CCDC81: variants seen among roughly 807,000 people sequenced by gnomAD.
CCDC81 encodes coiled-coil domain-containing protein 81.
CCDC81 carries 79 observed loss-of-function variants against 83.7 expected under a neutral mutation model. The observed-to-expected ratio is 0.94, with a 90% confidence interval of 0.79 to 1.14. The LOEUF (loss-of-function observed/expected upper bound fraction) is 1.14, where lower values mean the gene tolerates loss of function less well. Ranked by LOEUF, CCDC81 falls within the 50% of genes most tolerant of loss-of-function variation. The pLI is 0.00. For missense variants in CCDC81, 791 were observed against 778.1 expected, an observed-to-expected ratio of 1.02 and a Z score of -0.20; for synonymous variants, 252 against 278.1, an observed-to-expected ratio of 0.91 and a Z score of 0.93.
chr11:86,422,574 G>A lies in CCDC81; in HGVS notation c.1818G>A (p.Arg606=). ...QRDLEDKAFE[R]ASDKLFLLDQ... ...TCGGCATTTGCTCTCCTCTCCTCAG[G>A]GCTTCAGACAAGCTGTTTCTCCTAG... Residue 606 remains arginine, a splice_region_variant and synonymous_variant, in exon 15 of 15, where the codon CGG becomes CGA. Coordinates refer to ENST00000445632, the MANE Select transcript of CCDC81 (RefSeq NM_001156474.2). 6.2e-7 allele frequency: 1 copy of A among 1,612,998 alleles called. No individual in the cohort carries two copies. Among genetic ancestry groups the A allele is most frequent in the South Asian group, 1.1e-5 (1 of 90,964 alleles).
chr11:86,380,136 G>T (rs906853021), intron 1 of CCDC81, among the ~76,000 whole-genome samples: 6 of 150,034 alleles, frequency 4.0e-5, no homozygotes, highest in African/African-American at 1.2e-4. Flanking sequence ...TGAAAAGCAG[G>T]TTTACTGGCA....
At chr11:86,415,392 C>A in intron 13 of CCDC81, 79 bp downstream of exon 13, 1 of 1,093,294 alleles carries the variant, frequency 9.1e-7, no homozygotes. Flanking sequence ...TCCACCCTGT[C>A]CCTGCCCCTC....
At chr11:86,406,478 T>C (rs2138528446) in intron 7 of CCDC81, among the ~76,000 whole-genome samples, 1 of 152,324 alleles carries the variant, frequency 6.6e-6, no homozygotes, top group Non-Finnish European at 1.5e-5. Context: ...ATGTTTGAGC[T>C]TCTGAATCTG....
At chr11:86,407,205 C>G (rs1018876716) in intron 7 of CCDC81, among the ~76,000 whole-genome samples, 2 of 152,184 alleles carry the variant, frequency 1.3e-5, no homozygotes, top group Non-Finnish European at 2.9e-5. Flanking sequence ...GGCTGTCTAT[C>G]CCCATCAGAA....
chr11:86,390,554 A>T (rs184876338), intron 3 of CCDC81, among the ~76,000 whole-genome samples: 1 of 152,358 alleles, frequency 6.6e-6, no homozygotes, highest in East Asian at 1.9e-4. Flanking sequence ...ATACTCTTTC[A>T]GTTACAGTAG....
At chr11:86,388,210 C>CTCTTTCCTTCCT (rs1555190675) in intron 3 of CCDC81, among the ~76,000 whole-genome samples, 4 of 144,296 alleles carry the variant, frequency 2.8e-5, no homozygotes, top group Non-Finnish European at 6.0e-5. Context: ...CCCTCCTTCC[C>CTCTTTCCTTCCT]TCCTTCCTTC....
chr11:86,389,450 G>T (rs371502779), intron 3 of CCDC81, among the ~76,000 whole-genome samples: 2 of 152,116 alleles, frequency 1.3e-5, no homozygotes, highest in Non-Finnish European at 2.9e-5. Flanking sequence ...TCATAGTTCT[G>T]CAGGCTTAAC....
chr11:86,421,546 G>C (rs1411371802), intron 14 of CCDC81, among the ~76,000 whole-genome samples: 2 of 152,126 alleles, frequency 1.3e-5, no homozygotes, highest in Admixed American at 6.5e-5. Flanking sequence ...TCCTGACCTC[G>C]CAATCCGCCC....
intron 1 of CCDC81, among the ~76,000 whole-genome samples, chr11:86,378,636 T>C (rs1948131237): frequency 6.6e-6 from 1 of 152,252 alleles, no homozygotes; most frequent in Admixed American, 6.5e-5. Flanking sequence ...TTTTGCTTAA[T>C]GTAATTTGAC....
At chr11:86,399,968 C>CAAA (rs768432522) in intron 6 of CCDC81, among the ~76,000 whole-genome samples, 1 of 143,698 alleles carries the variant, frequency 7.0e-6, no homozygotes, top group Non-Finnish European at 1.5e-5. Flanking sequence ...ACTACTACTA[C>CAAA]AAAAAAAAAA....
chr11:86,397,055 C>G (rs1948419902), intron 5 of CCDC81, among the ~76,000 whole-genome samples: 1 of 151,510 alleles, frequency 6.6e-6, no homozygotes, highest in Admixed American at 6.6e-5. Flanking sequence ...CTACTCCAAC[C>G]TAGTACTCCA....
intron 10 of CCDC81, among the ~76,000 whole-genome samples, chr11:86,409,837 A>T (rs1005528080): frequency 6.6e-6 from 1 of 152,208 alleles, no homozygotes; most frequent in East Asian, 1.9e-4. Context: ...TCCAGTGTCT[A>T]TAGCCACACC....
rs773861175 is a variant in CCDC81, at chr11:86,408,195, G to GT, written c.1038_1039insT (p.Arg347Ter). 1.2e-6 allele frequency: 2 copies of GT among 1,614,030 alleles called. No individual in the cohort carries two copies. The highest frequency in any genetic ancestry group is 2.7e-5 in the African/African-American group (2 of 75,044). ...TGTTGTACTACAGTGAGGAAAGGAG[G>GT]AGAGAGATAGAAGATGAGAGACTCA... is the stretch of plus-strand genomic sequence containing the variant. On this transcript the variant is annotated frameshift_variant, in exon 9 of 15. Coordinates refer to ENST00000445632, the MANE Select transcript of CCDC81 (RefSeq NM_001156474.2). LOFTEE classifies it high-confidence loss of function.
Position 86,375,067 on chromosome 11 carries a change from A to C in CCDC81, c.-97A>C. 1 of 1,034,610 alleles carries C rather than the reference A, an allele frequency of 9.7e-7. No individual in the cohort carries two copies. 64.1% of individuals were successfully genotyped at this position (1,034,610 alleles called of 1,614,324 possible). On this transcript the variant is annotated 5_prime_UTR_variant, in exon 1 of 15. Transcript: ENST00000445632. ...AGGCACATCCAAAGCTCCGTGGAGA[A>C]GGGGCTGGAGGGTGGGAAAATTATT...
chr11:86,412,404 C>T lies in CCDC81; in HGVS notation c.1236C>T (p.Asp412=), dbSNP rs1279071041. 2 of 1,591,590 alleles carry T rather than the reference C, an allele frequency of 1.3e-6. No homozygotes were observed. The highest frequency in any genetic ancestry group is 1.2e-5 in the South Asian group (1 of 86,568). ...CATTCTAGAAATCCTTCCTATTTGA[C>T]AAACGGCCACTCAGTCCTGCGCTTA... is the stretch of plus-strand genomic sequence containing the variant. ...KPEFYKSFLF[D]KRPLSPALNA... is the part of the protein sequence containing the mutation. Residue 412 remains aspartate, a synonymous_variant, in exon 11 of 15, where the codon GAC becomes GAT. Transcript: ENST00000445632.
At chr11:86,399,425 C>T (rs750722216) in intron 6 of CCDC81, among the ~76,000 whole-genome samples, 64 of 152,120 alleles carry the variant, frequency 4.2e-4, no homozygotes, top group Non-Finnish European at 1.6e-4. Context: ...AGGTGATCCT[C>T]CCACCTCAGC....
chr11:86,407,191 A>T (rs75110724), intron 7 of CCDC81, among the ~76,000 whole-genome samples: 6,627 of 152,226 alleles, frequency 0.044, 163 homozygotes, highest in African/African-American at 0.063. Flanking sequence ...TTATCTTGTC[A>T]CTGGGCTGTC....
In CCDC81 at chr11:86,387,643, G is replaced by A. The variant is rs772153543; in HGVS notation, c.269G>A (p.Gly90Glu). The change falls in exon 3 of 15, where the codon GGA becomes GAA. Residue 90 changes from glycine to glutamate, a missense_variant. Transcript: ENST00000445632. ...IMVEKLVQIH[G>E]LKQNKVYTPG... ...GTGGAGAAGCTAGTGCAGATTCATG[G>A]ACTCAAACAAAACAAAGTATATACT... 5 of 1,607,070 alleles carry A rather than the reference G, an allele frequency of 3.1e-6. No individual in the cohort carries two copies. Among genetic ancestry groups the A allele is most frequent in the African/African-American group, 1.3e-5 (1 of 74,776 alleles).
Position 86,420,158 on chromosome 11 carries a change from T to A in CCDC81, c.1817+105T>A. 3.0e-6 allele frequency: 4 copies of A among 1,343,860 alleles called. No individual in the cohort carries two copies. In the South Asian group the frequency reaches 5.7e-5, roughly 19 times the overall value. 83.2% of individuals were successfully genotyped at this position (1,343,860 alleles called of 1,614,324 possible). The stretch of plus-strand genomic sequence containing the variant: ...AGCAGTGGCTGCCTAGAGAACCTTG[T>A]GGAGAAAGCAAGTCTGTATTCCATG... On this transcript the variant is annotated intron_variant, in intron 14 of 14. Transcript: ENST00000445632.
Sources: gnomAD v4.1 joint callset for allele counts (sites outside exome capture counted in the v4.1 genomes callset) on GRCh38, gnomAD v4.1.1 for gene constraint, MANE v1.5 for transcripts, NCBI Gene and HGNC (gene_info 2026-07-23, HGNC 2026-07-21) for gene names.